EXOC6B: variants seen among roughly 807,000 people sequenced by gnomAD.
EXOC6B encodes the protein SEC15 homolog B.
In EXOC6B, 54 loss-of-function variants were observed where a neutral mutation model predicts 113.5. The ratio of observed to expected loss-of-function variants is 0.48; its 90% confidence interval spans 0.38 to 0.60. The LOEUF (loss-of-function observed/expected upper bound fraction) is 0.60, where lower values mean the gene tolerates loss of function less well. EXOC6B is among the 20% of genes least tolerant of loss of function. The pLI is 0.00. For synonymous variants in EXOC6B, 357 were observed against 339.0 expected (o/e 1.05, Z -0.58); for missense variants, 797 against 977.5 (o/e 0.82, Z 2.46).
chr2:72,457,007 G>C (rs1697276895), intron 18 of EXOC6B, among the ~76,000 whole-genome samples: 2 of 150,478 alleles, frequency 1.3e-5, no homozygotes, highest in South Asian at 2.1e-4. Flanking sequence ...GAAAGGCATG[G>C]GGGGGAAAAA....
chr2:72,744,337 A>G (rs957522290), intron 1 of EXOC6B, among the ~76,000 whole-genome samples: 2 of 152,222 alleles, frequency 1.3e-5, no homozygotes, highest in Non-Finnish European at 2.9e-5. Context: ...ATCTGGATTC[A>G]TTCTCCTTCC....
intron 20 of EXOC6B, among the ~76,000 whole-genome samples, chr2:72,289,490 T>C (rs1391204564): frequency 2.0e-5 from 3 of 152,154 alleles, no homozygotes; most frequent in African/African-American, 4.8e-5. Flanking sequence ...AGTCACTCGG[T>C]TGGTATTCCA....
intron 20 of EXOC6B, among the ~76,000 whole-genome samples, chr2:72,310,265 G>A (rs1451242582): frequency 2.0e-5 from 3 of 152,080 alleles, no homozygotes; most frequent in Admixed American, 2.0e-4. Context: ...AACGAATGAG[G>A]CATCCAATTT....
intron 6 of EXOC6B, among the ~76,000 whole-genome samples, chr2:72,626,661 A>G (rs1311933766): frequency 6.6e-6 from 1 of 152,166 alleles, no homozygotes; most frequent in Non-Finnish European, 1.5e-5. Context: ...CAAGTAGATA[A>G]TAACGACAAA....
At chr2:72,538,683 A>G (rs532673979) in intron 8 of EXOC6B, among the ~76,000 whole-genome samples, 25 of 152,332 alleles carry the variant, frequency 1.6e-4, no homozygotes, top group Admixed American at 8.5e-4. Context: ...CAAAGCCATA[A>G]CAATAAACCA....
chr2:72,330,943 C>A (rs1688385688), intron 20 of EXOC6B, among the ~76,000 whole-genome samples: 1 of 152,056 alleles, frequency 6.6e-6, no homozygotes, highest in Non-Finnish European at 1.5e-5. Flanking sequence ...GTAGTCCTAG[C>A]TAAAGCATGC....
rs911574797 is a variant in EXOC6B, at chr2:72,530,839, T to C, written c.916-15713A>G. ...TACCATTATATAATAAACCTCGGTC[T>C]CTGGTAATTTTCTTTCCTCTGATGT... On this transcript the variant is annotated intron_variant, in intron 8 of 21. Coordinates refer to ENST00000272427, the MANE Select transcript of EXOC6B (RefSeq NM_015189.3). Among the ~76,000 whole-genome samples the C allele has an allele frequency of 2.0e-5, 3 of 152,282 alleles. No homozygotes were observed. In the East Asian group the frequency reaches 5.8e-4, roughly 29 times the overall value.
At chr2:72,476,927 A>C (rs1698782959) in intron 17 of EXOC6B, among the ~76,000 whole-genome samples, 1 of 152,156 alleles carries the variant, frequency 6.6e-6, no homozygotes, top group Admixed American at 6.6e-5. Flanking sequence ...TCTGCCTATA[A>C]ATATCCTGCT....
At chr2:72,402,019 C>T (rs1375251557) in intron 18 of EXOC6B, among the ~76,000 whole-genome samples, 1 of 151,640 alleles carries the variant, frequency 6.6e-6, no homozygotes, top group African/African-American at 2.4e-5. Context: ...AAAATGGCCT[C>T]ATAGAATGAG....
rs561308827 is a variant in EXOC6B at position 72,180,948 on chromosome 2, G to A, written c.2310-1487C>T. Among the ~76,000 whole-genome samples, 42 of 152,206 alleles carry A rather than the reference G, an allele frequency of 2.8e-4. No individual in the cohort carries two copies. The South Asian group carries it at 8.5e-3, about 31-fold the overall frequency. ...CTTTCGGCTGGGCGCGGTAGCTCAC[G>A]CCTGTAATCCCAGCACTTTGGGAGG... On this transcript the variant is annotated intron_variant, in intron 21 of 21. Coordinates refer to ENST00000272427, the MANE Select transcript of EXOC6B (RefSeq NM_015189.3).
intron 7 of EXOC6B, among the ~76,000 whole-genome samples, chr2:72,569,007 T>A (rs1307928081): frequency 6.6e-6 from 1 of 151,606 alleles, no homozygotes; most frequent in Non-Finnish European, 1.5e-5. Flanking sequence ...AGTCCTAATA[T>A]ATCTTTACCA....
chr2:72,266,156 C>T (rs910207654), intron 20 of EXOC6B, among the ~76,000 whole-genome samples: 2 of 151,718 alleles, frequency 1.3e-5, no homozygotes, highest in Admixed American at 1.3e-4. Context: ...GGATATTAGC[C>T]CTTTGCCAGA....
chr2:72,611,446 T>G (rs944196430), intron 6 of EXOC6B, among the ~76,000 whole-genome samples: 1 of 151,648 alleles, frequency 6.6e-6, no homozygotes, highest in Non-Finnish European at 1.5e-5. Context: ...TGACAAGACA[T>G]GATAACTAAA....
At chr2:72,713,592 CCCA>C (rs1389317822) in intron 6 of EXOC6B, among the ~76,000 whole-genome samples, 1 of 151,816 alleles carries the variant, frequency 6.6e-6, no homozygotes, top group East Asian at 1.9e-4. Context: ...GTCCCCCCAC[CCCA>C]CAACAGTCCC....
At chr2:72,288,321 C>A (rs140105488) in intron 20 of EXOC6B, among the ~76,000 whole-genome samples, 141 of 152,134 alleles carry the variant, frequency 9.3e-4, no homozygotes, top group Non-Finnish European at 1.9e-3. Context: ...CAACTGCAAT[C>A]CTAGGTACAT....
chr2:72,647,049 A>C (rs955590352), intron 6 of EXOC6B, among the ~76,000 whole-genome samples: 1 of 151,406 alleles, frequency 6.6e-6, no homozygotes, highest in East Asian at 1.9e-4. Flanking sequence ...TATTTAGAAA[A>C]CCCCATCTCC....
chr2:72,264,026 T>C (rs1242822282), intron 20 of EXOC6B, among the ~76,000 whole-genome samples: 1 of 152,194 alleles, frequency 6.6e-6, no homozygotes, highest in Non-Finnish European at 1.5e-5. Context: ...TAGGACATTT[T>C]ACTTCCTTTT....
chr2:72,503,892 G>A (rs960223190), intron 11 of EXOC6B, among the ~76,000 whole-genome samples: 1 of 151,938 alleles, frequency 6.6e-6, no homozygotes, highest in Non-Finnish European at 1.5e-5. Context: ...TGATGACATA[G>A]GATGATGAGC....
intron 1 of EXOC6B, among the ~76,000 whole-genome samples, chr2:72,782,559 T>C (rs1354010855): frequency 6.6e-6 from 1 of 152,166 alleles, no homozygotes; most frequent in East Asian, 1.9e-4. Flanking sequence ...TTCTAGCTAT[T>C]TTGAAACAGA....
Sources: allele counts gnomAD v4.1 joint callset (sites outside exome capture counted in the v4.1 genomes callset), GRCh38; gene constraint gnomAD v4.1.1; transcripts MANE v1.5; gene names NCBI Gene and HGNC (gene_info 2026-07-23, HGNC 2026-07-21).